The following TFAP2B variants were observed in gnomAD, a reference collection of about 807,000 sequenced individuals.
TFAP2B encodes the protein transcription factor AP-2-beta.
In TFAP2B, 9 loss-of-function variants were observed where a neutral mutation model predicts 44.3. The ratio of observed to expected loss-of-function variants is 0.20; its 90% CI spans 0.12 to 0.35. The LOEUF is 0.35. Among genes scored for constraint, TFAP2B ranks in the 10% least tolerant of loss-of-function variants. The probability of loss-of-function intolerance (pLI) is 1.00; values close to 1 mark genes in which losing one functional copy is unlikely to be tolerated. For synonymous variants in TFAP2B, 270 were observed against 263.8 expected (o/e 1.02, Z -0.23); for missense variants, 509 against 600.0 (o/e 0.85, Z 1.59).
In TFAP2B at chr6:50,847,617, T is replaced by C. The variant is rs1229595727; in HGVS notation, c.*4225T>C. ...TAAAAAGATTGTTGTGTTTTCATCT[T>C]CAGTTTCTTAAATGTGGACAATGTT... On this transcript the variant is annotated 3_prime_UTR_variant, in exon 7 of 7. Coordinates refer to ENST00000393655, the MANE Select transcript of TFAP2B (RefSeq NM_003221.4). 6.6e-6 allele frequency: 1 copy of C among 152,548 alleles called. No individual in the cohort carries two copies. The highest frequency in any genetic ancestry group is 1.5e-5 in the Non-Finnish European group (1 of 68,032). 9.4% of individuals were successfully genotyped at this position (152,548 alleles called of 1,614,324 possible).
intron 2 of TFAP2B, among the ~76,000 whole-genome samples, chr6:50,826,557 T>C (rs747489983): frequency 2.0e-5 from 3 of 150,252 alleles, no homozygotes; most frequent in African/African-American, 7.4e-5. Flanking sequence ...ATTTCACCCA[T>C]TGTGCATGAG....
At chr6:50,841,798 A>G (rs968310434) in intron 6 of TFAP2B, among the ~76,000 whole-genome samples, 2 of 152,084 alleles carry the variant, frequency 1.3e-5, no homozygotes, top group Non-Finnish European at 2.9e-5. Flanking sequence ...ACCCTTATCT[A>G]TTTCTTCCTG....
intron 6 of TFAP2B, among the ~76,000 whole-genome samples, chr6:50,841,747 G>A (rs1034816962): frequency 6.6e-6 from 1 of 152,170 alleles, no homozygotes; most frequent in Admixed American, 6.5e-5. Flanking sequence ...TTTCTAAGGT[G>A]TACCTCTTAA....
Position 50,843,508 on chromosome 6 carries a change from T to C in TFAP2B, c.*116T>C, listed in dbSNP as rs1581833872. On this transcript the variant is annotated 3_prime_UTR_variant, in exon 7 of 7. Transcript: ENST00000393655. The stretch of plus-strand genomic sequence containing the variant: ...TTTGGAAGAATTATATTAGGTAGAA[T>C]ACACATACAATCAAAATTTTAAAAA... 1 of 1,065,142 alleles carries C rather than the reference T, an allele frequency of 9.4e-7. No individual in the cohort carries two copies. The highest frequency in any genetic ancestry group is 1.3e-6 in the Non-Finnish European group (1 of 748,202). The allele number at this position is 1,065,142 out of a possible 1,614,324, so 66.0% of individuals were successfully genotyped here. A position where few individuals can be genotyped will look rare whatever the true frequency, so the allele number is the denominator to read the frequency against.
At chr6:50,827,755 A>G (rs1458782215) in intron 2 of TFAP2B, among the ~76,000 whole-genome samples, 1 of 152,268 alleles carries the variant, frequency 6.6e-6, no homozygotes, top group Non-Finnish European at 1.5e-5. Context: ...ATGCACAGCC[A>G]GAACTGTTCA....
rs1450461076 is a variant in TFAP2B at position 50,844,023 on chromosome 6, AC to A, written c.*633del. ...CCGCCCAGCCCTGCGATCTTAACTC[AC>A]CGGGCCCGGCTCCCCGGCCGCTTGC... On this transcript the variant is annotated 3_prime_UTR_variant, in exon 7 of 7. Coordinates refer to ENST00000393655, the MANE Select transcript of TFAP2B (RefSeq NM_003221.4). 6.6e-6 allele frequency: 1 copy of A among 151,664 alleles called. No individual in the cohort carries two copies. The highest frequency in any genetic ancestry group is 1.5e-5 in the Non-Finnish European group (1 of 67,994). The allele number at this position is 151,664 out of a possible 1,614,324, so 9.4% of individuals were successfully genotyped here.
At chr6:50,838,208 T>A in intron 5 of TFAP2B, 115 bp downstream of exon 5, 1 of 933,388 alleles carries the variant, frequency 1.1e-6, no homozygotes, top group Non-Finnish European at 1.8e-6. Flanking sequence ...TGTGCTCTTA[T>A]GAGCTGGATG....
At chr6:50,820,953 GAAAT>G (rs1269630721) in intron 1 of TFAP2B, among the ~76,000 whole-genome samples, 6 of 151,612 alleles carry the variant, frequency 4.0e-5, no homozygotes, top group Non-Finnish European at 8.8e-5. Flanking sequence ...GAGAGAAAGA[GAAAT>G]AAACAGGGAG....
chr6:50,831,617 A>T (rs1227782553), intron 3 of TFAP2B, among the ~76,000 whole-genome samples: 3 of 152,050 alleles, frequency 2.0e-5, no homozygotes, highest in African/African-American at 7.2e-5. Flanking sequence ...ACGAGACATT[A>T]AAAAATCATT....
At chr6:50,821,888 C>A (rs951479492) in intron 1 of TFAP2B, 2 of 296,432 alleles carry the variant, frequency 6.7e-6, no homozygotes, top group African/African-American at 4.7e-5. Flanking sequence ...CCCCGAAGAA[C>A]GGCAGAAGAA....
chr6:50,828,802 G>A, intron 3 of TFAP2B, 123 bp downstream of exon 3: 1 of 1,159,446 alleles, frequency 8.6e-7, no homozygotes, highest in Non-Finnish European at 1.3e-6. Context: ...CACAATTATA[G>A]GACAATGGCT....
intron 2 of TFAP2B, among the ~76,000 whole-genome samples, chr6:50,824,676 C>T (rs1231538423): frequency 6.6e-6 from 1 of 152,196 alleles, no homozygotes; most frequent in Non-Finnish European, 1.5e-5. Flanking sequence ...AGTTGAGAGG[C>T]ATCACGTGTT....
chr6:50,823,920 T>A, intron 2 of TFAP2B, 55 bp downstream of exon 2: 1 of 1,524,096 alleles, frequency 6.6e-7, no homozygotes, highest in Non-Finnish European at 8.8e-7. Flanking sequence ...AAGGAATGCT[T>A]CTGGAGGGGG....
intron 2 of TFAP2B, among the ~76,000 whole-genome samples, 160 bp downstream of exon 2, chr6:50,824,025 TC>T (rs1207303520): frequency 6.6e-6 from 1 of 152,228 alleles, no homozygotes; most frequent in Admixed American, 6.5e-5. Flanking sequence ...TTTATGTGTG[TC>T]TGTATGTATG....
intron 3 of TFAP2B, among the ~76,000 whole-genome samples, chr6:50,834,761 T>C (rs1186480647): frequency 6.6e-6 from 1 of 152,210 alleles, no homozygotes; most frequent in African/African-American, 2.4e-5. Context: ...CTTTATCAAA[T>C]AGGTAGGGTT....
intron 1 of TFAP2B, among the ~76,000 whole-genome samples, chr6:50,820,664 A>C (rs1770317590): frequency 1.3e-5 from 2 of 152,238 alleles, no homozygotes. Context: ...GATAATGGTA[A>C]AGTCCAAGGC....
intron 4 of TFAP2B, among the ~76,000 whole-genome samples, chr6:50,837,748 T>C (rs1762650723): frequency 6.6e-6 from 1 of 151,828 alleles, no homozygotes. Context: ...TTTTTTTCTT[T>C]TCTCACAAGA....
At chr6:50,828,541 A>T (rs1770588052) in intron 2 of TFAP2B, 78 bp from the exon 3 acceptor site, 4 of 1,277,944 alleles carry the variant, frequency 3.1e-6, no homozygotes, top group Middle Eastern at 3.8e-4. Context: ...CAGAAACTCC[A>T]GTTTGGAATA....
In TFAP2B at chr6:50,823,764, C is replaced by T; in HGVS notation, c.439C>T (p.Pro147Ser). 3 of 1,601,520 alleles carry T rather than the reference C, an allele frequency of 1.9e-6. No homozygotes were observed. Among genetic ancestry groups the T allele is most frequent in the Non-Finnish European group, 2.6e-6 (3 of 1,174,006 alleles). The change falls in exon 2 of 7, where the codon CCG becomes TCG. Residue 147 changes from proline (P) to serine (S), a missense_variant. Pro to Ser is a moderately conservative substitution (Grantham distance 74). Coordinates refer to ENST00000393655, the MANE Select transcript of TFAP2B (RefSeq NM_003221.4). ...PRRDYHSVRR[P>S]DVLLHSAHHG... is the part of the protein sequence containing the mutation. ...GAGGGACTACCACTCGGTCCGCCGG[C>T]CGGACGTGCTGCTGCATTCGGCGCA...
Sources: allele counts gnomAD v4.1 joint callset (sites outside exome capture counted in the v4.1 genomes callset), GRCh38; gene constraint gnomAD v4.1.1; transcripts MANE v1.5; gene names NCBI Gene and HGNC (gene_info 2026-07-23, HGNC 2026-07-21).